The following THSD7B variants were observed in gnomAD, a reference collection of about 807,000 sequenced individuals.
THSD7B encodes thrombospondin type 1 domain containing 7B, also known as thrombospondin type-1 domain-containing protein 7B.
Under a neutral mutation model 213.6 loss-of-function variants are expected in THSD7B, and 138 were observed. The ratio of observed to expected loss-of-function variants is 0.65; its 90% confidence interval spans 0.56 to 0.74. THSD7B has a LOEUF of 0.74. THSD7B is among the 30% of genes least tolerant of loss of function. The pLI is 0.00. For missense variants in THSD7B, 1,931 were observed against 1,991.5 expected (o/e 0.97, Z 0.58); for synonymous variants, 742 against 687.0 (o/e 1.08, Z -1.25).
chr2:137,345,237 G>A (rs1684850022), intron 12 of THSD7B, among the ~76,000 whole-genome samples: 1 of 151,652 alleles, frequency 6.6e-6, no homozygotes, highest in African/African-American at 2.4e-5. Flanking sequence ...TGAATAAACG[G>A]AAGAAACTAT....
At chr2:137,543,314 C>T (rs1680642433) in intron 15 of THSD7B, among the ~76,000 whole-genome samples, 1 of 151,750 alleles carries the variant, frequency 6.6e-6, no homozygotes, top group Non-Finnish European at 1.5e-5. Flanking sequence ...AATCTAAGGA[C>T]AGGATGGGAG....
At chr2:137,618,334 T>C (rs1192414747) in intron 18 of THSD7B, 58 bp from the exon 19 acceptor site, 1 of 1,339,332 alleles carries the variant, frequency 7.5e-7, no homozygotes, top group African/African-American at 1.4e-5. Flanking sequence ...AGGTCTGTTG[T>C]ATTTTGCTCA....
At chr2:136,852,451 C>A (rs150410326) in intron 1 of THSD7B, among the ~76,000 whole-genome samples, 3,435 of 152,262 alleles carry the variant, frequency 0.023, 67 homozygotes, top group South Asian at 0.064. Flanking sequence ...ACAGAGCCCT[C>A]AGAGAGGAAC....
intron 7 of THSD7B, among the ~76,000 whole-genome samples, chr2:137,227,657 G>T (rs1003248850): frequency 7.2e-5 from 11 of 152,106 alleles, no homozygotes; most frequent in Non-Finnish European, 1.5e-4. Flanking sequence ...GGTTATTTAG[G>T]CTCAAGTGCT....
intron 2 of THSD7B, among the ~76,000 whole-genome samples, chr2:136,883,055 T>A (rs1375742725): frequency 6.6e-6 from 1 of 152,168 alleles, no homozygotes; most frequent in East Asian, 1.9e-4. Flanking sequence ...GGATTTTAAT[T>A]TTCTTTAAGT....
chr2:137,421,123 G>A (rs918084910), intron 14 of THSD7B, among the ~76,000 whole-genome samples: 8 of 152,066 alleles, frequency 5.3e-5, no homozygotes, highest in African/African-American at 1.4e-4. Flanking sequence ...GGAAAAACAC[G>A]CTGACTGTGT....
intron 12 of THSD7B, among the ~76,000 whole-genome samples, chr2:137,283,596 T>G (rs902911033): frequency 2.0e-5 from 3 of 152,104 alleles, no homozygotes; most frequent in Admixed American, 2.0e-4. Context: ...TTATTGAGAG[T>G]TTTTAGCATG....
chr2:137,528,401 C>A (rs1427164241), intron 15 of THSD7B, among the ~76,000 whole-genome samples: 1 of 152,074 alleles, frequency 6.6e-6, no homozygotes, highest in Non-Finnish European at 1.5e-5. Flanking sequence ...ATGACTACCT[C>A]ACTGGATTTT....
chr2:137,285,205 A>C (rs1332617861), intron 12 of THSD7B, among the ~76,000 whole-genome samples: 7 of 152,006 alleles, frequency 4.6e-5, no homozygotes, highest in East Asian at 1.9e-4. Context: ...CTGTTTTATC[A>C]GAGACTAGGA....
At chr2:137,310,776 G>T (rs1029521567) in intron 12 of THSD7B, among the ~76,000 whole-genome samples, 2 of 151,840 alleles carry the variant, frequency 1.3e-5, no homozygotes, top group African/African-American at 4.8e-5. Context: ...TTTCCCCATT[G>T]CTTGTTTTTC....
intron 2 of THSD7B, among the ~76,000 whole-genome samples, chr2:137,011,883 G>T (rs1303521203): frequency 1.3e-5 from 2 of 152,172 alleles, no homozygotes; most frequent in Admixed American, 6.5e-5. Flanking sequence ...ATCATTGTTT[G>T]TTAAAAGGAT....
chr2:137,343,867 T>C (rs1684814446), intron 12 of THSD7B, among the ~76,000 whole-genome samples: 1 of 151,796 alleles, frequency 6.6e-6, no homozygotes, highest in Non-Finnish European at 1.5e-5. Flanking sequence ...TACAATGCAC[T>C]GAAGCCCTTT....
chr2:137,395,733 G>T (rs1338323982), intron 12 of THSD7B, among the ~76,000 whole-genome samples: 1 of 151,998 alleles, frequency 6.6e-6, no homozygotes, highest in East Asian at 1.9e-4. Flanking sequence ...GTTTCAGAAG[G>T]AATGGTACCA....
At chr2:137,608,163 G>A (rs1453055615) in intron 17 of THSD7B, among the ~76,000 whole-genome samples, 1 of 152,146 alleles carries the variant, frequency 6.6e-6, no homozygotes, top group Non-Finnish European at 1.5e-5. Context: ...CTCAAAGGCA[G>A]GCAGCAAGCC....
intron 4 of THSD7B, among the ~76,000 whole-genome samples, chr2:137,109,801 A>C (rs917999594): frequency 5.3e-5 from 8 of 152,064 alleles, no homozygotes; most frequent in Non-Finnish European, 7.4e-5. Context: ...GGTTCCTAAC[A>C]GGCCGCTGAC....
At chr2:136,902,689 T>G (rs1684083478) in intron 2 of THSD7B, among the ~76,000 whole-genome samples, 1 of 152,082 alleles carries the variant, frequency 6.6e-6, no homozygotes, top group Admixed American at 6.5e-5. Context: ...GGAGGTAAAG[T>G]CAATGATTCA....
chr2:137,673,975 A>T (rs1683639609), intron 27 of THSD7B, among the ~76,000 whole-genome samples: 1 of 152,220 alleles, frequency 6.6e-6, no homozygotes, highest in Admixed American at 6.5e-5. Flanking sequence ...ACCTATTAGT[A>T]GCCCCCGCTG....
intron 2 of THSD7B, among the ~76,000 whole-genome samples, chr2:136,902,042 C>A (rs1212301640): frequency 1.3e-5 from 2 of 152,170 alleles, no homozygotes; most frequent in African/African-American, 4.8e-5. Context: ...ATATTCGATA[C>A]CCTGGGCTGG....
At chr2:137,140,970 C>T (rs1679574160) in intron 5 of THSD7B, among the ~76,000 whole-genome samples, 1 of 152,050 alleles carries the variant, frequency 6.6e-6, no homozygotes, top group Non-Finnish European at 1.5e-5. Context: ...TAAGTAGAGA[C>T]TTAAGTAAGG....
Sources: gnomAD v4.1 joint callset for allele counts (sites outside exome capture counted in the v4.1 genomes callset) on GRCh38, gnomAD v4.1.1 for gene constraint, MANE v1.5 for transcripts, NCBI Gene and HGNC (gene_info 2026-07-23, HGNC 2026-07-21) for gene names.